Variants in MAPRE2 observed in about 807,000 individuals in gnomAD.
MAPRE2 encodes microtubule associated protein RP/EB family member 2, also known as microtubule-associated protein RP/EB family member 2.
MAPRE2 carries 13 observed loss-of-function variants against 43.2 expected under a neutral mutation model. The ratio of observed to expected loss-of-function variants is 0.30; its 90% CI spans 0.20 to 0.48. The LOEUF (loss-of-function observed/expected upper bound fraction) is 0.48. MAPRE2 is among the 20% of genes least tolerant of loss of function. MAPRE2 has a pLI of 0.99. For missense variants in MAPRE2, 161 were observed against 400.2 expected (o/e 0.40, Z 5.10); for synonymous variants, 135 against 148.8 (o/e 0.91, Z 0.68).
chr18:35,101,920 A>G, intron 3 of MAPRE2, 26 bp from the exon 4 acceptor site: 4 of 1,529,318 alleles, frequency 2.6e-6, no homozygotes, highest in Non-Finnish European at 3.6e-6. Flanking sequence ...GAGGTTTGTA[A>G]CTCACATAGT....
At position 35,140,941 on chromosome 18, in the gene MAPRE2, C is replaced by T; in HGVS notation, c.*572C>T. On this transcript the variant is annotated 3_prime_UTR_variant, in exon 7 of 7. Transcript: ENST00000300249. ...CATAAGGTCATTTTCTCCCTCTACT[C>T]ACAATACTAAAGGGAAAAAATGGAT... 1 of 152,672 alleles carries T rather than the reference C, an allele frequency of 6.5e-6. No homozygotes were observed. Among genetic ancestry groups the T allele is most frequent in the Non-Finnish European group, 1.5e-5 (1 of 68,264 alleles). The allele number at this position is 152,672 out of a possible 1,614,324, so 9.5% of individuals were successfully genotyped here.
chr18:35,130,910 C>T (rs985367759), intron 5 of MAPRE2, among the ~76,000 whole-genome samples: 4 of 152,120 alleles, frequency 2.6e-5, no homozygotes, highest in East Asian at 1.9e-4. Context: ...ACTGCCTCCT[C>T]CCTTCACTTG....
chr18:35,107,308 G>A (rs9807664), intron 4 of MAPRE2, among the ~76,000 whole-genome samples: 26,822 of 152,046 alleles, frequency 0.18, 3,351 homozygotes, highest in African/African-American at 0.35. Flanking sequence ...AAATCCTAAG[G>A]TGTTTTTCAA....
chr18:35,071,670 T>C lies in MAPRE2; in HGVS notation c.250+1348T>C, dbSNP rs547490993. Among the ~76,000 whole-genome samples the C allele has an allele frequency of 5.3e-5, 8 of 152,314 alleles. No homozygotes were observed. The East Asian group carries it at 1.5e-3, about 29-fold the overall frequency. On this transcript the variant is annotated intron_variant, in intron 2 of 6. Coordinates refer to ENST00000300249, the MANE Select transcript of MAPRE2 (RefSeq NM_014268.4). ...GTATAAAGATTTTATACAGTGCAGT[T>C]AGAATTTCAAAAGCCCCCAGTAGTC... is the stretch of plus-strand genomic sequence containing the variant.
intron 6 of MAPRE2, among the ~76,000 whole-genome samples, chr18:35,134,810 T>TC (rs2144255038): frequency 6.6e-6 from 1 of 152,370 alleles, no homozygotes; most frequent in East Asian, 1.9e-4. Context: ...TAAATGAGCA[T>TC]CCACAAAGAA....
chr18:35,103,234 T>C (rs373764301), intron 4 of MAPRE2, among the ~76,000 whole-genome samples: 1 of 152,342 alleles, frequency 6.6e-6, no homozygotes. Flanking sequence ...AGATGAATTC[T>C]TCATCTGCCT....
rs533556083 is a variant in MAPRE2, at chr18:35,118,380, A to G, written c.611-8568A>G. On this transcript the variant is annotated intron_variant, in intron 4 of 6. Transcript: ENST00000300249. ...CTCTTAAGCCCTCCCCTTGGAATCAATAGCACATGCCATTGATCACAGAAT... is the reference window on the plus strand; with the variant it reads ...CTCTTAAGCCCTCCCCTTGGAATCAGTAGCACATGCCATTGATCACAGAAT... Among the ~76,000 whole-genome samples, 65 of 152,312 alleles carry G rather than the reference A, an allele frequency of 4.3e-4. 1 individual carries two copies. Among genetic ancestry groups the G allele is most frequent in the African/African-American group, 1.5e-3 (63 of 41,558 alleles).
intron 1 of MAPRE2, among the ~76,000 whole-genome samples, chr18:34,977,415 G>A (rs1042327067): frequency 8.2e-4 from 125 of 152,348 alleles, no homozygotes; most frequent in African/African-American, 3.0e-3. Context: ...GAGGGGTGAG[G>A]CTGGGGCTGT....
At chr18:34,996,656 G>T (rs899266804) in intron 1 of MAPRE2, among the ~76,000 whole-genome samples, 1 of 152,126 alleles carries the variant, frequency 6.6e-6, no homozygotes, top group African/African-American at 2.4e-5. Flanking sequence ...CTCTTATAGG[G>T]TTATTGGGAG....
chr18:35,019,275 T>C (rs1296712037), intron 2 of MAPRE2, among the ~76,000 whole-genome samples: 7 of 152,068 alleles, frequency 4.6e-5, no homozygotes, highest in African/African-American at 2.4e-5. Flanking sequence ...GTATGTTCCA[T>C]GTGCAGATGA....
chr18:34,992,732 G>A (rs1032633910), intron 1 of MAPRE2, among the ~76,000 whole-genome samples: 1 of 152,164 alleles, frequency 6.6e-6, no homozygotes, highest in African/African-American at 2.4e-5. Context: ...ATTGGAATAG[G>A]CAGATGCAGT....
chr18:34,980,818 T>A (rs542789232), intron 1 of MAPRE2, among the ~76,000 whole-genome samples: 1 of 152,334 alleles, frequency 6.6e-6, no homozygotes, highest in South Asian at 2.1e-4. Flanking sequence ...ATGAATTTAT[T>A]GAGCTAGGAG....
intron 1 of MAPRE2, among the ~76,000 whole-genome samples, chr18:35,065,019 G>C (rs1285133241): frequency 1.3e-5 from 2 of 152,226 alleles, no homozygotes; most frequent in Non-Finnish European, 2.9e-5. Flanking sequence ...AACCAGCTGG[G>C]TGTGGTGGCT....
chr18:35,041,509 G>A lies in MAPRE2; in HGVS notation c.-31G>A, dbSNP rs781396580. 6 of 1,614,090 alleles carry A rather than the reference G, an allele frequency of 3.7e-6. No homozygotes were observed. The South Asian group carries it at 6.6e-5, about 18-fold the overall frequency. ...CACCTTCCTCACCAGCCAGCCCACA[G>A]CGGTTTGTTCCCCTTCTCGGGAGTG... On this transcript the variant is annotated 5_prime_UTR_variant, in exon 1 of 7. Coordinates refer to ENST00000300249, the MANE Select transcript of MAPRE2 (RefSeq NM_014268.4).
At chr18:35,041,344 C>G (rs538389163), upstream of MAPRE2, 7 of 1,437,534 alleles carry the variant, frequency 4.9e-6, no homozygotes, top group Admixed American at 1.7e-4. Flanking sequence ...CAGGGTGCTG[C>G]TGCCGGCGCT....
chr18:34,977,552 C>T (rs1191398406), intron 1 of MAPRE2, among the ~76,000 whole-genome samples: 4 of 152,150 alleles, frequency 2.6e-5, no homozygotes, highest in African/African-American at 4.8e-5. Context: ...AGGGGCTGCG[C>T]GCTTGGGGGC....
intron 2 of MAPRE2, among the ~76,000 whole-genome samples, chr18:35,014,931 A>G (rs2097037215): frequency 1.3e-5 from 2 of 152,158 alleles, no homozygotes; most frequent in African/African-American, 4.8e-5. Context: ...GATCTAGTTA[A>G]GTAACAGTCA....
intron 1 of MAPRE2, among the ~76,000 whole-genome samples, chr18:35,051,984 A>G (rs146431033): frequency 2.6e-5 from 4 of 152,366 alleles, no homozygotes; most frequent in Non-Finnish European, 4.4e-5. Flanking sequence ...TACCCTGTAC[A>G]ATACTTTGCA....
At chr18:35,081,825 T>G (rs1459746284) in intron 2 of MAPRE2, among the ~76,000 whole-genome samples, 1 of 152,076 alleles carries the variant, frequency 6.6e-6, no homozygotes, top group African/African-American at 2.4e-5. Context: ...ATATTTTACC[T>G]TATACTAAAA....
Sources: allele counts gnomAD v4.1 joint callset (sites outside exome capture counted in the v4.1 genomes callset), GRCh38; gene constraint gnomAD v4.1.1; transcripts MANE v1.5; gene names NCBI Gene and HGNC (gene_info 2026-07-23, HGNC 2026-07-21).